Variants in PAN3 observed in about 807,000 individuals in gnomAD.
The protein encoded by PAN3 is PAN2-PAN3 deadenylation complex subunit PAN3.
PAN3 carries 19 observed loss-of-function variants against 96.2 expected under a neutral mutation model. The observed-to-expected ratio is 0.20, with a 90% CI of 0.14 to 0.29. The LOEUF (loss-of-function observed/expected upper bound fraction) is 0.29. PAN3 is among the 10% of genes least tolerant of loss of function. The pLI, the probability that PAN3 is intolerant of heterozygous loss-of-function variation, is 1.00. For missense variants in PAN3, 882 were observed against 1,108.1 expected (o/e 0.80, Z 2.90); for synonymous variants, 433 against 406.6 (o/e 1.06, Z -0.78).
intron 15 of PAN3, among the ~76,000 whole-genome samples, chr13:28,279,433 C>G (rs1019871983): frequency 6.6e-6 from 1 of 152,214 alleles, no homozygotes. Context: ...ACACCTACCC[C>G]CTTTTAGTCC....
intron 6 of PAN3, among the ~76,000 whole-genome samples, chr13:28,251,347 G>A (rs1317762269): frequency 2.6e-5 from 4 of 152,150 alleles, no homozygotes; most frequent in African/African-American, 7.2e-5. Flanking sequence ...TTTTAAGTGC[G>A]ATTATTTTCT....
At chr13:28,192,381 A>G (rs898607699) in intron 4 of PAN3, among the ~76,000 whole-genome samples, 2 of 152,112 alleles carry the variant, frequency 1.3e-5, no homozygotes, top group African/African-American at 4.8e-5. Context: ...ACTTTTTAAA[A>G]ATTGCATTCA....
At chr13:28,200,456 A>C (rs1226093476) in intron 5 of PAN3, among the ~76,000 whole-genome samples, 14 of 152,224 alleles carry the variant, frequency 9.2e-5, no homozygotes, top group Admixed American at 9.2e-4. Flanking sequence ...AAACTTAACA[A>C]AACCTTGGTC....
chr13:28,144,309 T>C (rs1870294255), intron 1 of PAN3, among the ~76,000 whole-genome samples: 2 of 147,640 alleles, frequency 1.4e-5, no homozygotes, highest in Non-Finnish European at 3.0e-5. Context: ...CTCCGCCTCC[T>C]GGGTTCACGC....
chr13:28,215,245 A>G (rs186070807), intron 5 of PAN3: 21 of 712,534 alleles, frequency 2.9e-5, no homozygotes, highest in African/African-American at 1.7e-4. Context: ...CCAACTGACA[A>G]GTCCTTGCAC....
In PAN3 at chr13:28,201,587, T is replaced by TG. The variant is rs377708739; in HGVS notation, c.852+4246dup. On this transcript the variant is annotated intron_variant, in intron 5 of 18. Coordinates refer to ENST00000380958, the MANE Select transcript of PAN3 (RefSeq NM_175854.8). Reference sequence around the variant, plus strand: ...TTTTTTTTTTTAAGAGACGGGGGAGTGGGGGTCTCACTCTGTTGCCTAGGC... The same window carrying TG: ...TTTTTTTTTTTAAGAGACGGGGGAGTGGGGGGTCTCACTCTGTTGCCTAGGC... Among the ~76,000 whole-genome samples, 462 of 150,072 alleles carry TG rather than the reference T, an allele frequency of 3.1e-3. 3 individuals are homozygous for TG. Among genetic ancestry groups the TG allele is most frequent in the African/African-American group, 0.011 (433 of 40,788 alleles).
At chr13:28,238,793 T>C (rs1413136374) in intron 6 of PAN3, among the ~76,000 whole-genome samples, 6 of 152,196 alleles carry the variant, frequency 3.9e-5, no homozygotes, top group South Asian at 4.1e-4. Context: ...TTTTCTTATT[T>C]TTTCCCCTTT....
intron 6 of PAN3, among the ~76,000 whole-genome samples, chr13:28,249,987 C>T (rs1285051259): frequency 6.6e-6 from 1 of 152,130 alleles, no homozygotes; most frequent in African/African-American, 2.4e-5. Context: ...GTCTCTCTTT[C>T]TTCATTTGTA....
At chr13:28,259,347 C>T (rs564159651) in intron 7 of PAN3, among the ~76,000 whole-genome samples, 2 of 151,180 alleles carry the variant, frequency 1.3e-5, no homozygotes, top group Non-Finnish European at 2.9e-5. Flanking sequence ...GGCTCTGTCA[C>T]CCCAGCTGGA....
At chr13:28,287,489 G>A (rs1218201523) in intron 17 of PAN3, among the ~76,000 whole-genome samples, 1 of 152,180 alleles carries the variant, frequency 6.6e-6, no homozygotes, top group Non-Finnish European at 1.5e-5. Context: ...TAGACTGTAA[G>A]TTCCTAAGGT....
At chr13:28,239,677 G>A (rs1883460968) in intron 6 of PAN3, 2 of 1,288,090 alleles carry the variant, frequency 1.6e-6, no homozygotes, top group Non-Finnish European at 2.0e-6. Context: ...TTTGGGCAGC[G>A]TTGGACAGCT....
At chr13:28,163,278 A>G (rs894413653) in intron 1 of PAN3, among the ~76,000 whole-genome samples, 2 of 152,382 alleles carry the variant, frequency 1.3e-5, no homozygotes, top group Middle Eastern at 3.4e-3. Flanking sequence ...AAAGGCTTAA[A>G]TACTGTAGTT....
intron 1 of PAN3, among the ~76,000 whole-genome samples, chr13:28,147,077 AC>A (rs1458306472): frequency 6.6e-6 from 1 of 152,238 alleles, no homozygotes; most frequent in Non-Finnish European, 1.5e-5. Flanking sequence ...TTTGTTATCG[AC>A]CAAAACATTG....
chr13:28,154,287 A>C (rs192270903), intron 1 of PAN3, among the ~76,000 whole-genome samples: 8 of 152,304 alleles, frequency 5.3e-5, no homozygotes, highest in African/African-American at 1.7e-4. Flanking sequence ...TCAGGTCAAA[A>C]TAGTGTACTG....
chr13:28,214,783 T>C, intron 5 of PAN3: 1 of 593,750 alleles, frequency 1.7e-6, no homozygotes, highest in South Asian at 1.7e-5. Flanking sequence ...TGACTTAGCA[T>C]TGATGCCCCA....
intron 18 of PAN3, among the ~76,000 whole-genome samples, chr13:28,290,714 T>G (rs569610237): frequency 2.6e-5 from 4 of 152,162 alleles, no homozygotes; most frequent in Non-Finnish European, 4.4e-5. Context: ...CAAGACTATA[T>G]GTATCATTGA....
At chr13:28,237,248 AAC>A (rs1883199942) in intron 6 of PAN3, among the ~76,000 whole-genome samples, 2 of 152,098 alleles carry the variant, frequency 1.3e-5, no homozygotes, top group Admixed American at 1.3e-4. Flanking sequence ...AAATCTTTTT[AAC>A]AGTTTTATTT....
At chr13:28,176,774 A>T (rs1875066864) in intron 3 of PAN3, among the ~76,000 whole-genome samples, 1 of 152,088 alleles carries the variant, frequency 6.6e-6, no homozygotes, top group African/African-American at 2.4e-5. Context: ...TGGGAGGCTC[A>T]GGTGGGAGGA....
chr13:28,267,473 T>A, intron 12 of PAN3, 72 bp downstream of exon 12: 1 of 1,209,872 alleles, frequency 8.3e-7, no homozygotes, highest in Non-Finnish European at 1.2e-6. Context: ...TTTTCTATTT[T>A]AAAATACGTA....
Sources: allele counts gnomAD v4.1 joint callset (sites outside exome capture counted in the v4.1 genomes callset), GRCh38; gene constraint gnomAD v4.1.1; transcripts MANE v1.5; gene names NCBI Gene and HGNC (gene_info 2026-07-23, HGNC 2026-07-21).